The following GALNT13 variants were observed in gnomAD, a reference collection of about 807,000 sequenced individuals.
GALNT13 encodes UDP-GalNAc:polypeptide N-acetylgalactosaminyltransferase 13.
A neutral mutation model predicts 64.2 loss-of-function variants in GALNT13; 28 were observed. The ratio of observed to expected loss-of-function variants is 0.44; its 90% CI spans 0.32 to 0.60. The LOEUF (loss-of-function observed/expected upper bound fraction) is 0.60. Ranked by LOEUF, GALNT13 falls within the 20% of genes least tolerant of loss-of-function variation. The pLI is 0.05. For missense variants in GALNT13, 577 were observed against 669.8 expected, an observed-to-expected ratio of 0.86 and a Z score of 1.53; for synonymous variants, 214 against 224.6, an observed-to-expected ratio of 0.95 and a Z score of 0.42.
intron 4 of GALNT13, among the ~76,000 whole-genome samples, chr2:154,173,960 C>T (rs1252218208): frequency 1.3e-5 from 2 of 152,020 alleles, no homozygotes; most frequent in African/African-American, 4.8e-5. Context: ...ATTAGTACAG[C>T]CACTGTAGAC....
chr2:153,393,650 A>G, the GALNT13 span, among the ~76,000 whole-genome samples: 1 of 151,534 alleles, frequency 6.6e-6, no homozygotes, highest in Non-Finnish European at 1.5e-5. Context: ...TGTTTCTGTG[A>G]ACGTATTTTC....
the GALNT13 span, among the ~76,000 whole-genome samples, chr2:153,482,026 T>A: frequency 3.3e-5 from 5 of 152,012 alleles, no homozygotes; most frequent in Non-Finnish European, 7.4e-5. Flanking sequence ...AGCCAAAACA[T>A]AAGAAAAAAG....
chr2:154,001,207 A>G (rs377630561), intron 3 of GALNT13, among the ~76,000 whole-genome samples: 14 of 152,078 alleles, frequency 9.2e-5, no homozygotes, highest in African/African-American at 3.4e-4. Flanking sequence ...TCTTGCAGGC[A>G]TCATTTATTT....
chr2:153,180,135 A>C, the GALNT13 span, among the ~76,000 whole-genome samples: 2 of 152,108 alleles, frequency 1.3e-5, no homozygotes, highest in Non-Finnish European at 2.9e-5. Flanking sequence ...TCAATTTTTC[A>C]CTGTTATTTA....
At chr2:153,778,131 G>GGT in the GALNT13 span, among the ~76,000 whole-genome samples, 1 of 152,074 alleles carries the variant, frequency 6.6e-6, no homozygotes. Flanking sequence ...CTCCTATGCC[G>GGT]GTGTGCTCCT....
chr2:153,605,897 C>T, the GALNT13 span, among the ~76,000 whole-genome samples: 528 of 152,168 alleles, frequency 3.5e-3, 4 homozygotes, highest in African/African-American at 0.012. Context: ...TGAGATTTCA[C>T]GCAGTGTCTG....
chr2:153,937,793 C>G (rs757868041), intron 2 of GALNT13, among the ~76,000 whole-genome samples: 1 of 152,120 alleles, frequency 6.6e-6, no homozygotes. Context: ...AAGGAGTACA[C>G]GGTTTATGGC....
chr2:154,395,533 G>A (rs1044001487), intron 9 of GALNT13, among the ~76,000 whole-genome samples: 1 of 152,058 alleles, frequency 6.6e-6, no homozygotes, highest in Non-Finnish European at 1.5e-5. Context: ...CATATGTACA[G>A]TCTATTACGT....
the GALNT13 span, among the ~76,000 whole-genome samples, chr2:153,671,027 G>C: frequency 1.3e-5 from 2 of 152,090 alleles, no homozygotes; most frequent in Admixed American, 6.5e-5. Context: ...AATGAACAAA[G>C]CCTCCAAGAA....
chr2:153,403,992 T>G, the GALNT13 span, among the ~76,000 whole-genome samples: 3 of 152,174 alleles, frequency 2.0e-5, no homozygotes, highest in African/African-American at 4.8e-5. Context: ...AATCCACAAA[T>G]TAGGTCCAAG....
the GALNT13 span, among the ~76,000 whole-genome samples, chr2:153,530,420 A>T: frequency 1.3e-5 from 2 of 152,130 alleles, no homozygotes; most frequent in East Asian, 3.8e-4. Flanking sequence ...TAGATGAGTC[A>T]ATATTATTAA....
At chr2:153,214,756 G>A in the GALNT13 span, among the ~76,000 whole-genome samples, 1 of 152,070 alleles carries the variant, frequency 6.6e-6, no homozygotes, top group African/African-American at 2.4e-5. Flanking sequence ...GAAGTCGACT[G>A]TGAAAAACAT....
the GALNT13 span, among the ~76,000 whole-genome samples, chr2:153,864,838 G>T: frequency 6.7e-6 from 1 of 148,538 alleles, no homozygotes; most frequent in South Asian, 2.2e-4. Context: ...CCAAAAAAGA[G>T]CCCGCATCGC....
the GALNT13 span, among the ~76,000 whole-genome samples, chr2:153,163,995 G>A: frequency 1.3e-5 from 2 of 149,422 alleles, no homozygotes; most frequent in African/African-American, 5.0e-5. Flanking sequence ...TCCAGCCTGG[G>A]CGACCGAGCC....
At chr2:153,380,506 G>A in the GALNT13 span, among the ~76,000 whole-genome samples, 8 of 151,830 alleles carry the variant, frequency 5.3e-5, no homozygotes, top group South Asian at 1.7e-3. Context: ...ATGGGAGGTT[G>A]TGCTAGGTTA....
chr2:154,290,948 C>T (rs912054935), intron 8 of GALNT13, among the ~76,000 whole-genome samples: 10 of 151,996 alleles, frequency 6.6e-5, no homozygotes, highest in African/African-American at 2.2e-4. Context: ...CCGGTGGGTT[C>T]GTGGTCTCGC....
At chr2:153,245,785 G>C in the GALNT13 span, among the ~76,000 whole-genome samples, 2 of 152,100 alleles carry the variant, frequency 1.3e-5, no homozygotes, top group Non-Finnish European at 2.9e-5. Context: ...CACAAAACTG[G>C]ATGGAGAATG....
chr2:154,005,497 G>A (rs1432156378), intron 3 of GALNT13, among the ~76,000 whole-genome samples: 2 of 152,054 alleles, frequency 1.3e-5, no homozygotes. Flanking sequence ...TTTGCAATGT[G>A]GTTGGAATTT....
At chr2:153,208,393 A>G in the GALNT13 span, among the ~76,000 whole-genome samples, 1 of 152,220 alleles carries the variant, frequency 6.6e-6, no homozygotes, top group Non-Finnish European at 1.5e-5. Context: ...AAAATATAAT[A>G]GAAACTTAGA....
Sources: gnomAD v4.1 joint callset for allele counts (sites outside exome capture counted in the v4.1 genomes callset) on GRCh38, gnomAD v4.1.1 for gene constraint, MANE v1.5 for transcripts, NCBI Gene and HGNC (gene_info 2026-07-23, HGNC 2026-07-21) for gene names.